The following NRG1 variants were observed in gnomAD, a reference collection of about 807,000 sequenced individuals.
NRG1 encodes the protein pro-neuregulin-1, membrane-bound isoform.
Under a neutral mutation model 63.8 loss-of-function variants are expected in NRG1, and 18 were observed. The observed-to-expected ratio is 0.28, with a 90% CI of 0.19 to 0.42. The LOEUF (loss-of-function observed/expected upper bound fraction) is 0.42. NRG1 is among the 10% of genes least tolerant of loss of function. The probability of loss-of-function intolerance (pLI) is 1.00; values close to 1 mark genes in which losing one functional copy is unlikely to be tolerated. For synonymous variants in NRG1, 302 were observed against 301.3 expected (o/e 1.00, Z -0.02); for missense variants, 762 against 814.7 (o/e 0.94, Z 0.79).
At chr8:32,397,733 C>CA (rs1432481496) in intron 1 of NRG1, among the ~76,000 whole-genome samples, 6 of 152,138 alleles carry the variant, frequency 3.9e-5, no homozygotes, top group Admixed American at 3.9e-4. Flanking sequence ...TTCTGAAACA[C>CA]ACCCTCCTCT....
Position 31,854,849 on chromosome 8 carries a change from C to T in NRG1, c.37+215418C>T, listed in dbSNP as rs1181639827. Among the ~76,000 whole-genome samples the T allele has an allele frequency of 3.3e-5, 5 of 152,282 alleles. No homozygotes were observed. In the East Asian group the frequency reaches 9.7e-4, roughly 29 times the overall value. On this transcript the variant is annotated intron_variant, in intron 1 of 10. Coordinates refer to the NRG1 transcript ENST00000519301. Reference sequence around the variant, plus strand: ...TTGGTTTCAAAGAACATCTTTATTTCTGCCTTCGTTTCGTTATGTACCCAG... The same window carrying T: ...TTGGTTTCAAAGAACATCTTTATTTTTGCCTTCGTTTCGTTATGTACCCAG...
At chr8:31,755,655 A>C (rs896973242) in intron 1 of NRG1, among the ~76,000 whole-genome samples, 6 of 152,082 alleles carry the variant, frequency 3.9e-5, no homozygotes, top group African/African-American at 1.4e-4. Flanking sequence ...ATTAACCAAT[A>C]TACCTGACTA....
chr8:32,271,651 A>C (rs1851560467), intron 1 of NRG1, among the ~76,000 whole-genome samples: 1 of 152,180 alleles, frequency 6.6e-6, no homozygotes, highest in Admixed American at 6.6e-5. Flanking sequence ...CCAAAGACAC[A>C]CAGGTGTACT....
At chr8:32,259,339 G>A (rs747666956) in intron 1 of NRG1, among the ~76,000 whole-genome samples, 2 of 152,130 alleles carry the variant, frequency 1.3e-5, no homozygotes, top group Non-Finnish European at 2.9e-5. Flanking sequence ...TTGCAGGAGT[G>A]GGTTAGTTAT....
intron 1 of NRG1, among the ~76,000 whole-genome samples, chr8:32,053,556 T>C (rs1822340155): frequency 6.6e-6 from 1 of 152,196 alleles, no homozygotes; most frequent in South Asian, 2.1e-4. Context: ...TGAAAGCTAC[T>C]GGGTGGCCTC....
At chr8:32,007,219 A>G (rs1813922531) in intron 1 of NRG1, among the ~76,000 whole-genome samples, 1 of 152,056 alleles carries the variant, frequency 6.6e-6, no homozygotes, top group Non-Finnish European at 1.5e-5. Context: ...AAGGTAACAC[A>G]GGTTGTAGGA....
intron 1 of NRG1, among the ~76,000 whole-genome samples, chr8:32,076,720 T>TA (rs5890619): frequency 0.88 from 130,070 of 147,834 alleles, 57,154 homozygotes; most frequent in East Asian, 0.99. Flanking sequence ...TGAACTTAAG[T>TA]AAAAAAAAAA....
At chr8:32,624,076 G>T (rs1475184918) in intron 5 of NRG1, among the ~76,000 whole-genome samples, 3 of 152,158 alleles carry the variant, frequency 2.0e-5, no homozygotes, top group Non-Finnish European at 4.4e-5. Context: ...ATACAACTCA[G>T]TGGCTTAGAT....
intron 1 of NRG1, among the ~76,000 whole-genome samples, chr8:32,534,485 A>C (rs891879524): frequency 3.9e-5 from 6 of 152,156 alleles, no homozygotes; most frequent in Admixed American, 3.3e-4. Context: ...TCAGAGGCTT[A>C]AGTTTTATTA....
chr8:32,714,158 G>A (rs1481764665), intron 5 of NRG1, among the ~76,000 whole-genome samples: 1 of 152,088 alleles, frequency 6.6e-6, no homozygotes, highest in African/African-American at 2.4e-5. Flanking sequence ...GAATGCATTT[G>A]TCATTTCTAT....
chr8:32,746,457 A>G (rs1827447182), intron 7 of NRG1, among the ~76,000 whole-genome samples: 1 of 152,266 alleles, frequency 6.6e-6, no homozygotes, highest in African/African-American at 2.4e-5. Context: ...CCACAATTGC[A>G]TGGATATATA....
chr8:31,802,996 GT>G (rs1821935007), intron 1 of NRG1, among the ~76,000 whole-genome samples: 2 of 152,158 alleles, frequency 1.3e-5, no homozygotes, highest in South Asian at 4.1e-4. Flanking sequence ...GCACAGAAGA[GT>G]TCTCCTGGCT....
At chr8:32,636,207 C>T (rs1052274076) in intron 5 of NRG1, among the ~76,000 whole-genome samples, 1 of 150,546 alleles carries the variant, frequency 6.6e-6, no homozygotes, top group Non-Finnish European at 1.5e-5. Context: ...TGGATGTGTT[C>T]GGGCGCAGGG....
At position 31,969,149 on chromosome 8, in the gene NRG1, T is replaced by C. The variant is rs117473975; in HGVS notation, c.37+329718T>C. On this transcript the variant is annotated intron_variant, in intron 1 of 10. Transcript: ENST00000519301. ...CATCATCTGTTTACTCCATGTGACA[T>C]TCCTTCCATCTGTCTACTTTCAGTT... Among the ~76,000 whole-genome samples, 504 of 152,358 alleles carry C rather than the reference T, an allele frequency of 3.3e-3. 2 individuals are homozygous for C. The highest frequency in any genetic ancestry group is 0.022 in the South Asian group (105 of 4,830).
intron 1 of NRG1, among the ~76,000 whole-genome samples, chr8:32,527,385 A>G (rs1649766942): frequency 6.6e-6 from 1 of 152,194 alleles, no homozygotes; most frequent in South Asian, 2.1e-4. Flanking sequence ...ACTGGAGGCC[A>G]TTATCTTAAG....
intron 1 of NRG1, among the ~76,000 whole-genome samples, chr8:31,823,935 G>T (rs1456222843): frequency 7.9e-5 from 12 of 152,050 alleles, no homozygotes; most frequent in Admixed American, 7.2e-4. Context: ...TAACTCCAAA[G>T]GTCTTGGTTC....
At chr8:31,778,928 C>A (rs975816505) in intron 1 of NRG1, among the ~76,000 whole-genome samples, 4 of 152,204 alleles carry the variant, frequency 2.6e-5, no homozygotes, top group Admixed American at 1.3e-4. Context: ...TTAGAAGACA[C>A]ATGTAACAGA....
At chr8:32,138,436 C>T (rs1835827214) in intron 1 of NRG1, among the ~76,000 whole-genome samples, 1 of 151,714 alleles carries the variant, frequency 6.6e-6, no homozygotes, top group Non-Finnish European at 1.5e-5. Flanking sequence ...AGACATGCTG[C>T]CAATCAGAAG....
At chr8:32,619,773 T>C (rs1200412970) in intron 5 of NRG1, among the ~76,000 whole-genome samples, 2 of 152,246 alleles carry the variant, frequency 1.3e-5, no homozygotes, top group Non-Finnish European at 2.9e-5. Context: ...ATATTAACTA[T>C]TGTTTTACTT....
Sources: allele counts gnomAD v4.1 joint callset (sites outside exome capture counted in the v4.1 genomes callset), GRCh38; gene constraint gnomAD v4.1.1; transcripts MANE v1.5; gene names NCBI Gene and HGNC (gene_info 2026-07-23, HGNC 2026-07-21).